Variants in FAS observed in about 807,000 individuals in gnomAD.
FAS encodes the protein Fas cell surface death receptor.
A neutral mutation model predicts 33.2 loss-of-function variants in FAS; 5 were observed. That is an observed-to-expected ratio of 0.15 (90% CI 0.08 to 0.32). FAS has a LOEUF of 0.32. Among genes scored for constraint, FAS ranks in the 10% least tolerant of loss-of-function variants. FAS has a pLI of 1.00. For missense variants in FAS, 339 were observed against 386.0 expected, an observed-to-expected ratio of 0.88 and a Z score of 1.02; for synonymous variants, 131 against 130.7, an observed-to-expected ratio of 1.00 and a Z score of -0.01.
intron 6 of FAS, 92 bp from the exon 7 acceptor site, chr10:89,011,906 TC>T: frequency 8.4e-7 from 1 of 1,189,372 alleles, no homozygotes; most frequent in Non-Finnish European, 1.2e-6. Flanking sequence ...TTCTCCTTTT[TC>T]CTTCTTATAT....
In FAS at chr10:89,015,293, G is replaced by T. The variant is rs778602578; in HGVS notation, c.*843G>T. 17 of 534,570 alleles carry T rather than the reference G, an allele frequency of 3.2e-5. No homozygotes were observed. The highest frequency in any genetic ancestry group is 5.1e-5 in the Non-Finnish European group (14 of 276,664). The allele number at this position is 534,570 out of a possible 1,614,324, so 33.1% of individuals were successfully genotyped here. A position where few individuals can be genotyped will look rare whatever the true frequency, so the allele number is the denominator to read the frequency against. On this transcript the variant is annotated 3_prime_UTR_variant, in exon 9 of 9. Transcript: ENST00000652046. ...AAAATACTTAATAGTCCACCAAAAG[G>T]CAAGACTGCCCTTAGAAATTCTAGC...
upstream of FAS, among the ~76,000 whole-genome samples, chr10:88,987,181 TA>T (rs1280302300): frequency 6.6e-6 from 1 of 152,224 alleles, no homozygotes; most frequent in Non-Finnish European, 1.5e-5. Flanking sequence ...GTAGAAGAAG[TA>T]ATATCCCTAG....
chr10:88,969,786 T>C (rs1846391733), intron 1 of FAS, among the ~76,000 whole-genome samples: 1 of 152,208 alleles, frequency 6.6e-6, no homozygotes, highest in African/African-American at 2.4e-5. Flanking sequence ...CGTATACATC[T>C]TCCTCACCAG....
chr10:89,013,236 T>A lies in FAS; in HGVS notation c.652-107T>A. On this transcript the variant is annotated intron_variant, in intron 7 of 8. Transcript: ENST00000652046. Reference sequence around the variant, plus strand: ...TTCCTAATTTTATACATCAAGCAACTGATTGTACTTCTTTCTGAATTAAGG... The same window carrying A: ...TTCCTAATTTTATACATCAAGCAACAGATTGTACTTCTTTCTGAATTAAGG... 2.8e-6 allele frequency: 3 copies of A among 1,058,850 alleles called. 1 individual carries two copies. Among genetic ancestry groups the A allele is most frequent in the Non-Finnish European group, 2.8e-6 (2 of 710,676 alleles). The allele number at this position is 1,058,850 out of a possible 1,614,324, so 65.6% of individuals were successfully genotyped here. A position where few individuals can be genotyped will look rare whatever the true frequency, so the allele number is the denominator to read the frequency against.
At chr10:88,991,057 A>G (rs1261548741) in intron 1 of FAS, 151 bp downstream of exon 1, 1 of 1,006,868 alleles carries the variant, frequency 9.9e-7, no homozygotes, top group African/African-American at 1.6e-5. Context: ...GGCGTTGGAG[A>G]CTGGCTCCCG....
At chr10:88,977,631 A>C (rs1206980416) in intron 2 of FAS, among the ~76,000 whole-genome samples, 2 of 151,852 alleles carry the variant, frequency 1.3e-5, no homozygotes, top group Admixed American at 1.3e-4. Context: ...TTATGCAGCC[A>C]AAAAACACAT....
At chr10:89,011,694 C>T (rs1393186725) in intron 6 of FAS, among the ~76,000 whole-genome samples, 1 of 152,206 alleles carries the variant, frequency 6.6e-6, no homozygotes, top group Non-Finnish European at 1.5e-5. Flanking sequence ...CTGCCATAGT[C>T]TTGCCGTCCA....
chr10:89,008,488 G>T (rs1848360729), intron 3 of FAS, among the ~76,000 whole-genome samples: 1 of 152,184 alleles, frequency 6.6e-6, no homozygotes, highest in African/African-American at 2.4e-5. Flanking sequence ...TCCCATCTCA[G>T]GGCAATTACA....
upstream of FAS, among the ~76,000 whole-genome samples, chr10:88,983,627 AAAAAAAAAAAAACAC>A (rs1846772659): frequency 2.0e-5 from 3 of 147,860 alleles, no homozygotes; most frequent in South Asian, 6.4e-4. Context: ...AAAAAAAAAA[AAAAAAAAAAAAACAC>A]ACACACACAC....
chr10:88,997,697 T>C (rs1213562150), intron 1 of FAS, among the ~76,000 whole-genome samples: 4 of 152,190 alleles, frequency 2.6e-5, no homozygotes. Flanking sequence ...TTATTGGAAA[T>C]TTTAAACTAT....
At position 89,015,204 on chromosome 10, in the gene FAS, C is replaced by T. The variant is rs1264351408; in HGVS notation, c.*754C>T. ...GTATTACTAGAGCTTTGCCACCTCTCCATTTTTGCCTTGGTGCTCATCTTA... is the reference window on the plus strand; with the variant it reads ...GTATTACTAGAGCTTTGCCACCTCTTCATTTTTGCCTTGGTGCTCATCTTA... On this transcript the variant is annotated 3_prime_UTR_variant, in exon 9 of 9. Transcript: ENST00000652046. 1.9e-6 allele frequency: 1 copy of T among 534,846 alleles called. No homozygotes were observed. The highest frequency in any genetic ancestry group is 3.6e-6 in the Non-Finnish European group (1 of 276,710). The allele number at this position is 534,846 out of a possible 1,614,324, so 33.1% of individuals were successfully genotyped here.
intron 1 of FAS, among the ~76,000 whole-genome samples, chr10:89,000,055 C>T (rs1039382188): frequency 5.9e-5 from 9 of 152,074 alleles, no homozygotes; most frequent in Non-Finnish European, 1.2e-4. Context: ...TTTTCTTTAC[C>T]ATCAAACAAC....
intron 1 of FAS, among the ~76,000 whole-genome samples, chr10:88,970,497 C>A (rs1846413882): frequency 6.6e-6 from 1 of 152,136 alleles, no homozygotes; most frequent in Admixed American, 6.6e-5. Context: ...CTGGTTCTAG[C>A]TACTCACAAC....
At chr10:88,971,390 C>T (rs1272598221) in intron 1 of FAS, among the ~76,000 whole-genome samples, 1 of 152,222 alleles carries the variant, frequency 6.6e-6, no homozygotes, top group Non-Finnish European at 1.5e-5. Context: ...GTGCCAATGG[C>T]ATGGAGCCAT....
intron 1 of FAS, among the ~76,000 whole-genome samples, chr10:88,970,423 A>G (rs940275978): frequency 1.3e-5 from 2 of 152,110 alleles, no homozygotes; most frequent in Admixed American, 6.5e-5. Context: ...CCAGCTTCAT[A>G]GGAGCTTAGG....
At chr10:88,964,127 G>C (rs895742691) in intron 1 of FAS, among the ~76,000 whole-genome samples, 10 of 151,578 alleles carry the variant, frequency 6.6e-5, no homozygotes, top group African/African-American at 1.9e-4. Context: ...ATTTACTTTA[G>C]TTTAATATAT....
chr10:88,982,023 G>T (rs1589426234), upstream of FAS, among the ~76,000 whole-genome samples: 1 of 152,194 alleles, frequency 6.6e-6, no homozygotes, highest in African/African-American at 2.4e-5. Flanking sequence ...ATATATAAAA[G>T]GGTCTAACAC....
At chr10:88,971,767 A>G (rs1395986436) in intron 1 of FAS, among the ~76,000 whole-genome samples, 3 of 152,130 alleles carry the variant, frequency 2.0e-5, no homozygotes, top group Non-Finnish European at 2.9e-5. Flanking sequence ...TCCTTCCTGC[A>G]TATTTTCTCC....
chr10:88,967,983 T>C (rs1846350295), intron 1 of FAS, among the ~76,000 whole-genome samples: 2 of 152,156 alleles, frequency 1.3e-5, no homozygotes, highest in Admixed American at 1.3e-4. Context: ...CAAACAACTA[T>C]AGTAACCAGA....
Sources: gnomAD v4.1 joint callset for allele counts (sites outside exome capture counted in the v4.1 genomes callset) on GRCh38, gnomAD v4.1.1 for gene constraint, MANE v1.5 for transcripts, NCBI Gene and HGNC (gene_info 2026-07-23, HGNC 2026-07-21) for gene names.